The following GALK2 variants were observed in gnomAD, a reference collection of about 807,000 sequenced individuals.
GALK2 encodes N-acetylgalactosamine kinase.
In GALK2, 36 loss-of-function variants were observed where a neutral mutation model predicts 52.4. The observed-to-expected ratio is 0.69, with a 90% confidence interval of 0.53 to 0.91. The LOEUF (loss-of-function observed/expected upper bound fraction) is 0.91. Among genes scored for constraint, GALK2 ranks in the 40% least tolerant of loss-of-function variants. The pLI is 0.00. For missense variants in GALK2, 579 were observed against 559.1 expected, an observed-to-expected ratio of 1.04 and a Z score of -0.36; for synonymous variants, 176 against 199.1, an observed-to-expected ratio of 0.88 and a Z score of 0.98.
rs145426321 is a variant in GALK2 at position 49,184,036 on chromosome 15, G to T, written c.53+13661G>T. Reference sequence around the variant, plus strand: ...TGTTTCTTTGTTGATTTTCTGTCTGGATGATCTGTCCAATGCTGAAAGTGG... The same window carrying T: ...TGTTTCTTTGTTGATTTTCTGTCTGTATGATCTGTCCAATGCTGAAAGTGG... On this transcript the variant is annotated intron_variant, in intron 1 of 9. Transcript: ENST00000560031. Among the ~76,000 whole-genome samples the T allele has an allele frequency of 6.2e-3, 945 of 152,216 alleles. 27 individuals carry two copies. In the East Asian group the frequency reaches 0.064, roughly 10 times the overall value.
Position 49,319,618 on chromosome 15 carries a change from C to A in GALK2, c.982C>A (p.Leu328Ile), listed in dbSNP as rs374431370. ...TCCTTCCTCAGTGCTCATCTTCAAACTCTATCAGCGGGCAAAGCATGTGTA... is the reference window on the plus strand; with the variant it reads ...TCCTTCCTCAGTGCTCATCTTCAAAATCTATCAGCGGGCAAAGCATGTGTA... ...PNTQDVLIFK[L>I]YQRAKHVYSE... Residue 328 changes from leucine to isoleucine, a missense_variant, in exon 9 of 10, where the codon CTC (leucine) becomes ATC (isoleucine). Transcript: ENST00000560031. The A allele has an allele frequency of 4.3e-6, 7 of 1,614,174 alleles. No individual in the cohort carries two copies. In the Admixed American group the frequency reaches 1.0e-4, roughly 23 times the overall value.
At chr15:49,218,579 G>A (rs565506729) in intron 3 of GALK2, among the ~76,000 whole-genome samples, 7 of 152,234 alleles carry the variant, frequency 4.6e-5, no homozygotes, top group Non-Finnish European at 7.4e-5. Context: ...CCTGCTAGAG[G>A]CAGGAGGCTT....
At chr15:49,179,076 T>C (rs528038168) in intron 1 of GALK2, among the ~76,000 whole-genome samples, 11 of 152,290 alleles carry the variant, frequency 7.2e-5, no homozygotes, top group African/African-American at 2.6e-4. Context: ...GTTTAATTTT[T>C]GATCTTGGAG....
chr15:49,190,389 T>A (rs2086648971), intron 1 of GALK2, among the ~76,000 whole-genome samples: 1 of 152,226 alleles, frequency 6.6e-6, no homozygotes, highest in South Asian at 2.1e-4. Context: ...TATTTCTAAA[T>A]GCATATTGGC....
chr15:49,234,680 C>A (rs1424338580), intron 3 of GALK2, among the ~76,000 whole-genome samples: 1 of 152,148 alleles, frequency 6.6e-6, no homozygotes, highest in Non-Finnish European at 1.5e-5. Context: ...AGTTACCTAC[C>A]ATCAGGTCCC....
downstream of GALK2, chr15:49,335,473 T>C (rs758150135): frequency 5.0e-6 from 8 of 1,613,540 alleles, no homozygotes; most frequent in Non-Finnish European, 6.8e-6. Flanking sequence ...CTTTATAACA[T>C]CACGGTATGT....
chr15:49,245,431 A>T (rs568982313), intron 5 of GALK2, among the ~76,000 whole-genome samples: 1 of 150,426 alleles, frequency 6.6e-6, no homozygotes, highest in South Asian at 2.1e-4. Context: ...AAAATAAAAG[A>T]TAGAAGAACT....
intron 3 of GALK2, among the ~76,000 whole-genome samples, chr15:49,340,732 T>A (rs1328960691): frequency 6.6e-6 from 1 of 152,216 alleles, no homozygotes; most frequent in Non-Finnish European, 1.5e-5. Context: ...ACTACGTTGA[T>A]GTTTTATATT....
intron 2 of GALK2, among the ~76,000 whole-genome samples, chr15:49,204,103 CAAAAAA>C (rs373448754): frequency 9.7e-6 from 1 of 103,572 alleles, no homozygotes; most frequent in Non-Finnish European, 2.0e-5. Context: ...GATTCTGTCT[CAAAAAA>C]AAAAAAAAAA....
chr15:49,313,830 G>T (rs1365294561), intron 8 of GALK2, among the ~76,000 whole-genome samples: 1 of 151,856 alleles, frequency 6.6e-6, no homozygotes, highest in Non-Finnish European at 1.5e-5. Flanking sequence ...CTTGCATGGA[G>T]AACTTAAAAT....
chr15:49,282,985 C>T (rs1238277422), intron 6 of GALK2, among the ~76,000 whole-genome samples: 1 of 152,180 alleles, frequency 6.6e-6, no homozygotes. Context: ...TTACAAAACA[C>T]TTCACCATCT....
chr15:49,295,149 G>A (rs2034345162), intron 8 of GALK2, among the ~76,000 whole-genome samples: 1 of 151,682 alleles, frequency 6.6e-6, no homozygotes, highest in Non-Finnish European at 1.5e-5. Context: ...GTGAAGGAAA[G>A]AAGAAAGAGA....
chr15:49,223,705 G>A (rs993626369), intron 3 of GALK2, among the ~76,000 whole-genome samples: 8 of 152,062 alleles, frequency 5.3e-5, no homozygotes, highest in East Asian at 3.9e-4. Flanking sequence ...CCATGTTGTC[G>A]CAAAGGATAT....
exon 4 of GALK2, chr15:49,367,619 A>C: frequency 6.5e-7 from 1 of 1,536,946 alleles, no homozygotes; most frequent in Non-Finnish European, 8.7e-7. Flanking sequence ...CTGTAAGAGG[A>C]AGAAAATAAT....
At chr15:49,215,420 A>G (rs573301741) in intron 2 of GALK2, among the ~76,000 whole-genome samples, 1 of 152,092 alleles carries the variant, frequency 6.6e-6, no homozygotes, top group South Asian at 2.1e-4. Flanking sequence ...ATTCTTTTAA[A>G]ATTATTTCTC....
At chr15:49,326,837 A>G (rs1275925495) in intron 9 of GALK2, 1 of 152,192 alleles carries the variant, frequency 6.6e-6, no homozygotes, top group Non-Finnish European at 1.5e-5. Flanking sequence ...ACTGAGAAGA[A>G]TCACTGACAG....
At chr15:49,283,756 T>G (rs776000669) in intron 7 of GALK2, 38 bp downstream of exon 7, 1 of 1,601,338 alleles carries the variant, frequency 6.2e-7, no homozygotes, top group East Asian at 2.2e-5. Context: ...TGAAGTAGGG[T>G]TTTTCTTGTC....
intron 3 of GALK2, among the ~76,000 whole-genome samples, chr15:49,351,440 A>AT (rs1299010192): frequency 2.0e-5 from 3 of 152,146 alleles, no homozygotes; most frequent in Admixed American, 6.5e-5. Context: ...GACAATGTTG[A>AT]TTTTTTTCTA....
chr15:49,324,268 G>A (rs909633296), intron 9 of GALK2, among the ~76,000 whole-genome samples: 2 of 152,132 alleles, frequency 1.3e-5, no homozygotes, highest in Non-Finnish European at 2.9e-5. Flanking sequence ...TTTCTGCAAT[G>A]TATTCCATGG....
Sources: allele counts gnomAD v4.1 joint callset (sites outside exome capture counted in the v4.1 genomes callset), GRCh38; gene constraint gnomAD v4.1.1; transcripts MANE v1.5; gene names NCBI Gene and HGNC (gene_info 2026-07-23, HGNC 2026-07-21).